The following WWOX variants were observed in gnomAD, a reference collection of about 807,000 sequenced individuals.
WWOX encodes WW domain containing oxidoreductase, also known as WW domain-containing oxidoreductase.
A neutral mutation model predicts 46.2 loss-of-function variants in WWOX; 69 were observed. The observed-to-expected ratio is 1.49, with a 90% CI of 1.23 to 1.82. The LOEUF is 1.82. Among genes scored for constraint, WWOX ranks in the 40% most tolerant of loss-of-function variants. The pLI, the probability that WWOX is intolerant of heterozygous loss-of-function variation, is 0.00. For missense variants in WWOX, 919 were observed against 542.6 expected (o/e 1.69, Z -6.89); for synonymous variants, 359 against 202.6 (o/e 1.77, Z -6.56).
intron 6 of WWOX, among the ~76,000 whole-genome samples, chr16:78,415,241 C>T (rs1485501707): frequency 1.3e-5 from 2 of 151,916 alleles, no homozygotes; most frequent in East Asian, 3.9e-4. Flanking sequence ...TTGATGTTGC[C>T]ATGGCATGTG....
intron 8 of WWOX, among the ~76,000 whole-genome samples, chr16:78,732,665 C>T (rs937203273): frequency 6.6e-6 from 1 of 152,060 alleles, no homozygotes; most frequent in African/African-American, 2.4e-5. Context: ...CTTAACTAAC[C>T]ACCTAGATAG....
intron 5 of WWOX, among the ~76,000 whole-genome samples, chr16:78,269,955 T>A (rs1376490131): frequency 1.3e-5 from 2 of 151,104 alleles, no homozygotes; most frequent in Non-Finnish European, 2.9e-5. Flanking sequence ...TATTTTTTTG[T>A]GGAGTATGCA....
intron 8 of WWOX, among the ~76,000 whole-genome samples, chr16:79,087,686 C>A (rs531014807): frequency 5.3e-5 from 8 of 152,308 alleles, no homozygotes; most frequent in Admixed American, 2.6e-4. Flanking sequence ...ATTTGTGGTC[C>A]TGCTGAAAGA....
intron 8 of WWOX, among the ~76,000 whole-genome samples, chr16:78,442,689 C>G (rs185256957): frequency 2.2e-4 from 34 of 152,172 alleles, no homozygotes; most frequent in African/African-American, 7.9e-4. Context: ...AACATAAAAA[C>G]CTCATATGGG....
chr16:79,045,779 C>CCTTT (rs1567511650), intron 8 of WWOX, among the ~76,000 whole-genome samples: 5 of 55,674 alleles, frequency 9.0e-5, no homozygotes, highest in African/African-American at 2.5e-4. Flanking sequence ...TTTTTCTTTT[C>CCTTT]CTTTTTTTTT....
chr16:78,993,486 G>T (rs2046928595), intron 8 of WWOX, among the ~76,000 whole-genome samples: 1 of 152,194 alleles, frequency 6.6e-6, no homozygotes, highest in Non-Finnish European at 1.5e-5. Flanking sequence ...GCTGCCAGGT[G>T]TGATAAATGA....
chr16:78,595,971 A>C (rs1223646828), intron 8 of WWOX, among the ~76,000 whole-genome samples: 1 of 152,236 alleles, frequency 6.6e-6, no homozygotes, highest in Non-Finnish European at 1.5e-5. Context: ...AAGAACTTCA[A>C]CATTCAAAGG....
intron 5 of WWOX, among the ~76,000 whole-genome samples, chr16:78,351,900 G>C (rs146275046): frequency 6.6e-6 from 1 of 152,284 alleles, no homozygotes; most frequent in East Asian, 1.9e-4. Context: ...TAGGTGATAT[G>C]CGCCCCTCAG....
At chr16:78,666,092 C>G (rs1051522472) in intron 8 of WWOX, among the ~76,000 whole-genome samples, 3 of 151,878 alleles carry the variant, frequency 2.0e-5, no homozygotes, top group African/African-American at 7.3e-5. Flanking sequence ...TGAGAATAGC[C>G]TGGTTAACAT....
At chr16:78,984,391 T>C (rs2046744402) in intron 8 of WWOX, among the ~76,000 whole-genome samples, 1 of 152,228 alleles carries the variant, frequency 6.6e-6, no homozygotes, top group Non-Finnish European at 1.5e-5. Context: ...TAATATTTTA[T>C]ACTTTGTGGG....
chr16:78,617,858 A>G (rs1323848780), intron 8 of WWOX, among the ~76,000 whole-genome samples: 4 of 152,138 alleles, frequency 2.6e-5, no homozygotes, highest in Admixed American at 2.6e-4. Flanking sequence ...ATATTTTGAC[A>G]TTTCTGTCAA....
Position 78,114,847 on chromosome 16 carries a change from T to A in WWOX, c.231-129T>A, listed in dbSNP as rs2072587. The A allele has an allele frequency of 0.059, 68,775 of 1,169,756 alleles. 3,262 individuals are homozygous for A. The highest frequency in any genetic ancestry group is 0.25 in the East Asian group (10,014 of 39,850). 72.5% of individuals were successfully genotyped at this position (1,169,756 alleles called of 1,614,324 possible). A position where few individuals can be genotyped will look rare whatever the true frequency, so the allele number is the denominator to read the frequency against. On this transcript the variant is annotated intron_variant, in intron 3 of 8. Transcript: ENST00000566780. ...AGAAGATAGATTCAGTGGGCCCCAG[T>A]TCTTTCAGGTTTAAGGAATAAGCAT...
chr16:78,619,145 ATATATATATAT>A lies in WWOX; in HGVS notation c.1056+186394_1056+186404del, dbSNP rs2046110188. On this transcript the variant is annotated intron_variant, in intron 8 of 8. Transcript: ENST00000566780. The stretch of plus-strand genomic sequence containing the variant: ...ACCCCATTTCTACTAAAAAAAAAAT[ATATATATATAT>A]ATATATATATATATATATATATATA... Among the ~76,000 whole-genome samples, 2 of 3,258 alleles carry A rather than the reference ATATATATATAT, an allele frequency of 6.1e-4. 1 individual carries two copies. The highest frequency in any genetic ancestry group is 1.1e-3 in the Non-Finnish European group (2 of 1,862). The allele number at this position is 3,258 out of a possible 152,430, so 2.1% of individuals were successfully genotyped here.
chr16:78,881,321 A>G lies in WWOX; in HGVS notation c.1057-330287A>G, dbSNP rs548110073. ...GCCTGGCCCTGGTAAAATTTTGTCT[A>G]CATAGTTACTGCTGCCCAGGCAAAA... is the stretch of plus-strand genomic sequence containing the variant. On this transcript the variant is annotated intron_variant, in intron 8 of 8. Transcript: ENST00000566780. 2.6e-5 allele frequency among the ~76,000 whole-genome samples: 4 copies of G among 152,290 alleles called. No homozygotes were observed. In the South Asian group the frequency reaches 6.2e-4, roughly 24 times the overall value.
rs183310097 is a variant in WWOX, at chr16:78,856,685, G to C, written c.1057-354923G>C. 2.0e-5 allele frequency among the ~76,000 whole-genome samples: 3 copies of C among 152,176 alleles called. No homozygotes were observed. The East Asian group carries it at 5.8e-4, about 29-fold the overall frequency. ...GGAATAGATCTCTTTCAGTACAATG[G>C]GAAGGGGCATATAATTCAGTACTTT... On this transcript the variant is annotated intron_variant, in intron 8 of 8. Transcript: ENST00000566780.
chr16:79,035,976 T>C (rs1029579229), intron 8 of WWOX, among the ~76,000 whole-genome samples: 6 of 152,206 alleles, frequency 3.9e-5, no homozygotes, highest in Admixed American at 1.3e-4. Flanking sequence ...CCAGCATCCC[T>C]TGGCTTTTTG....
chr16:78,609,496 G>T (rs1250061563), intron 8 of WWOX, among the ~76,000 whole-genome samples: 12 of 151,570 alleles, frequency 7.9e-5, no homozygotes, highest in African/African-American at 2.9e-4. Flanking sequence ...AATGTTTTCT[G>T]GTCAAGTCAC....
At chr16:78,299,555 G>C (rs2080003669) in intron 5 of WWOX, among the ~76,000 whole-genome samples, 2 of 138,306 alleles carry the variant, frequency 1.4e-5, no homozygotes, top group Admixed American at 1.5e-4. Flanking sequence ...GTCTTGCTCT[G>C]TCACCCAGCC....
At chr16:78,942,490 G>A (rs1281750644) in intron 8 of WWOX, among the ~76,000 whole-genome samples, 2 of 152,066 alleles carry the variant, frequency 1.3e-5, no homozygotes, top group Non-Finnish European at 2.9e-5. Context: ...GAAGACAGAA[G>A]AAAAATTGAT....
Sources: gnomAD v4.1 joint callset for allele counts (sites outside exome capture counted in the v4.1 genomes callset) on GRCh38, gnomAD v4.1.1 for gene constraint, MANE v1.5 for transcripts, NCBI Gene and HGNC (gene_info 2026-07-23, HGNC 2026-07-21) for gene names.